PHACTR4: variants seen among roughly 807,000 people sequenced by gnomAD.
PHACTR4 encodes phosphatase and actin regulator 4.
In PHACTR4, 51 loss-of-function variants were observed where a neutral mutation model predicts 72.7. The observed-to-expected ratio is 0.70, with a 90% CI of 0.56 to 0.89. PHACTR4 has a LOEUF of 0.89. PHACTR4 is among the 40% of genes least tolerant of loss of function. PHACTR4 has a pLI of 0.00. For synonymous variants in PHACTR4, 255 were observed against 302.5 expected, an observed-to-expected ratio of 0.84 and a Z score of 1.63; for missense variants, 731 against 861.8, an observed-to-expected ratio of 0.85 and a Z score of 1.90.
intron 5 of PHACTR4, 30 bp from the exon 6 acceptor site, chr1:28,466,352 C>T: frequency 6.4e-7 from 1 of 1,568,966 alleles, no homozygotes; most frequent in Non-Finnish European, 8.7e-7. Context: ...CTCTCTCTTC[C>T]CTTTTTATAC....
At chr1:28,475,074 C>T (rs1211311984) in intron 7 of PHACTR4, among the ~76,000 whole-genome samples, 3 of 152,100 alleles carry the variant, frequency 2.0e-5, no homozygotes, top group South Asian at 2.1e-4. Context: ...CTCAGCCTCC[C>T]GAGTAACTGT....
chr1:28,422,605 T>C (rs1480807144), intron 2 of PHACTR4: 1 of 152,192 alleles, frequency 6.6e-6, no homozygotes, highest in African/African-American at 2.4e-5. Flanking sequence ...CAAAGAAATC[T>C]TAAGTGGTTG....
Position 28,473,615 on chromosome 1 carries a change from A to G in PHACTR4, c.885A>G (p.Pro295=). 6.2e-7 allele frequency: 1 copy of G among 1,613,804 alleles called. No individual in the cohort carries two copies. Among genetic ancestry groups the G allele is most frequent in the Non-Finnish European group, 8.5e-7 (1 of 1,179,940 alleles). The stretch of plus-strand genomic sequence containing the variant: ...TATCAAAACCGTCCCCACCCTTACC[A>G]CCTAAGAGAGGCATTCCATCAACCT... The part of the protein sequence containing the change: ...TLLSKPSPPL[P]PKRGIPSTSV... Residue 295 remains proline (P), a synonymous_variant, in exon 7 of 14, where the codon CCA becomes CCG. Transcript: ENST00000373839.
chr1:28,408,643 T>TA (rs1041355924), intron 2 of PHACTR4, among the ~76,000 whole-genome samples: 98 of 151,934 alleles, frequency 6.5e-4, no homozygotes, highest in African/African-American at 1.8e-3. Flanking sequence ...TGTGTCTATA[T>TA]ATGTGTGTGT....
Position 28,497,994 on chromosome 1 carries a change from T to TTA in PHACTR4, c.*1445_*1446insTA, listed in dbSNP as rs770537324. On this transcript the variant is annotated 3_prime_UTR_variant, in exon 14 of 14. Coordinates refer to ENST00000373839, the MANE Select transcript of PHACTR4 (RefSeq NM_001048183.3). ...CTGGGTGACAGAGCGAGACTCCGTC[T>TTA]CAAAAAAAAAAAAAAAGCCTTAATA... The TTA allele has an allele frequency of 9.1e-6, 1 of 109,732 alleles. No homozygotes were observed. The highest frequency in any genetic ancestry group is 4.9e-5 in the African/African-American group (1 of 20,216). 6.8% of individuals were successfully genotyped at this position (109,732 alleles called of 1,614,324 possible).
chr1:28,444,243 T>TTTTTTTTTC (rs1553194313), intron 2 of PHACTR4, among the ~76,000 whole-genome samples: 1 of 97,422 alleles, frequency 1.0e-5, no homozygotes, highest in Non-Finnish European at 2.1e-5. Context: ...TTTTTTTTTT[T>TTTTTTTTTC]TGAGACAGAG....
In PHACTR4 at chr1:28,369,947, G is replaced by A. The variant is rs547338532; in HGVS notation, c.-39+122G>A. On this transcript the variant is annotated intron_variant, in intron 1 of 13. Transcript: ENST00000373839. ...GGTCCCGGTCCGGGCAGAAGGTAACGGCCCGGGTCGCCGTCGCTTCGGGCC... is the reference window on the plus strand; with the variant it reads ...GGTCCCGGTCCGGGCAGAAGGTAACAGCCCGGGTCGCCGTCGCTTCGGGCC... The A allele has an allele frequency of 8.3e-5, 29 of 349,710 alleles. No homozygotes were observed. In the East Asian group the frequency reaches 3.7e-3, roughly 44 times the overall value. The allele number at this position is 349,710 out of a possible 1,614,324, so 21.7% of individuals were successfully genotyped here.
At chr1:28,405,815 C>T (rs1654284895) in intron 1 of PHACTR4, among the ~76,000 whole-genome samples, 1 of 151,662 alleles carries the variant, frequency 6.6e-6, no homozygotes, top group Non-Finnish European at 1.5e-5. Flanking sequence ...CACTTGAACC[C>T]AGGAGGCAGA....
At chr1:28,383,200 C>T (rs572579487) in intron 1 of PHACTR4, among the ~76,000 whole-genome samples, 1 of 152,174 alleles carries the variant, frequency 6.6e-6, no homozygotes, top group Non-Finnish European at 1.5e-5. Flanking sequence ...GTTCTCCATT[C>T]TGTTCTATTG....
chr1:28,440,014 A>G (rs1454660430), intron 2 of PHACTR4, among the ~76,000 whole-genome samples: 1 of 152,140 alleles, frequency 6.6e-6, no homozygotes, highest in Non-Finnish European at 1.5e-5. Context: ...TAAAAACTTC[A>G]TCTGAGGCCG....
Position 28,491,737 on chromosome 1 carries a change from T to G in PHACTR4, c.1966T>G (p.Tyr656Asp), listed in dbSNP as rs1661050662. 12 of 1,614,032 alleles carry G rather than the reference T, an allele frequency of 7.4e-6. No homozygotes were observed. Among genetic ancestry groups the G allele is most frequent in the African/African-American group, 4.0e-5 (3 of 74,924 alleles). ...EYVEVTDAQDYDRRADKPWTK... is the reference protein window; with the variant it reads ...EYVEVTDAQDDDRRADKPWTK... ...TGTAGAGGTAACAGATGCTCAAGAT[T>G]ATGACCGGCGAGCCGACAAACCTTG... The change falls in exon 12 of 14, where the codon TAT becomes GAT. Residue 656 changes from tyrosine to aspartate, a missense_variant. Tyr to Asp is a radical substitution (Grantham distance 160). Coordinates refer to ENST00000373839, the MANE Select transcript of PHACTR4 (RefSeq NM_001048183.3).
intron 1 of PHACTR4, among the ~76,000 whole-genome samples, chr1:28,388,890 G>GT (rs1310693091): frequency 1.5e-4 from 23 of 152,166 alleles, no homozygotes; most frequent in Admixed American, 5.2e-4. Flanking sequence ...AGACTTAAAT[G>GT]TAAGACCTGA....
At chr1:28,496,445 T>G in intron 13 of PHACTR4, 89 bp from the exon 14 acceptor site, 1 of 1,410,540 alleles carries the variant, frequency 7.1e-7, no homozygotes, top group East Asian at 2.3e-5. Flanking sequence ...GCAGTGTTAA[T>G]TAGGTATAAC....
intron 2 of PHACTR4, among the ~76,000 whole-genome samples, chr1:28,451,688 G>C (rs748004991): frequency 3.9e-5 from 6 of 152,008 alleles, no homozygotes; most frequent in Non-Finnish European, 8.8e-5. Flanking sequence ...TTGTTGCCCA[G>C]GCTGGAGTGC....
intron 1 of PHACTR4, among the ~76,000 whole-genome samples, chr1:28,391,639 CTT>C (rs1226124734): frequency 3.9e-5 from 4 of 102,484 alleles, no homozygotes; most frequent in Non-Finnish European, 7.5e-5. Context: ...GAGTTTCACT[CTT>C]TTTGGCCAGG....
intron 9 of PHACTR4, among the ~76,000 whole-genome samples, chr1:28,484,350 G>T (rs764014902): frequency 6.6e-6 from 1 of 151,962 alleles, no homozygotes. Context: ...AGCCAGGCAT[G>T]GTAGCATGCC....
chr1:28,449,782 G>T (rs1050489295), intron 2 of PHACTR4, among the ~76,000 whole-genome samples: 2 of 151,918 alleles, frequency 1.3e-5, no homozygotes, highest in Admixed American at 6.6e-5. Flanking sequence ...AACCCAGGAG[G>T]CAGGGGTTGC....
At position 28,376,888 on chromosome 1, in the gene PHACTR4, C is replaced by T. The variant is rs184961437; in HGVS notation, c.-39+7063C>T. Among the ~76,000 whole-genome samples, 11 of 149,812 alleles carry T rather than the reference C, an allele frequency of 7.3e-5. No homozygotes were observed. The East Asian group carries it at 1.0e-3, about 14-fold the overall frequency. On this transcript the variant is annotated intron_variant, in intron 1 of 13. Transcript: ENST00000373839. ...TCCTGACCTCGTGATCCACCTGTCT[C>T]GGCCTCTCAAAGTGTGGGGATTACA...
In PHACTR4 at chr1:28,465,650, A is replaced by G. The variant is rs1354825443; in HGVS notation, c.272-35A>G. 5 of 1,581,348 alleles carry G rather than the reference A, an allele frequency of 3.2e-6. No individual in the cohort carries two copies. In the African/African-American group the frequency reaches 4.1e-5, roughly 13 times the overall value. ...CTCTTCTTTCTATCTGTTCATGCCA[A>G]CTTCATCACTTTGTACTCTTCTTTC... On this transcript the variant is annotated intron_variant, in intron 4 of 13. Transcript: ENST00000373839.
Sources: allele counts gnomAD v4.1 joint callset (sites outside exome capture counted in the v4.1 genomes callset), GRCh38; gene constraint gnomAD v4.1.1; transcripts MANE v1.5; gene names NCBI Gene and HGNC (gene_info 2026-07-23, HGNC 2026-07-21).